The following FNTB variants were observed in gnomAD, a reference collection of about 807,000 sequenced individuals.
FNTB encodes farnesyltransferase, CAAX box, subunit beta.
Under a neutral mutation model 59.4 loss-of-function variants are expected in FNTB, and 27 were observed. That is an observed-to-expected ratio of 0.45 (90% CI 0.34 to 0.63). The LOEUF (loss-of-function observed/expected upper bound fraction) is 0.63, where lower values mean the gene tolerates loss of function less well. Ranked by LOEUF, FNTB falls within the 20% of genes least tolerant of loss-of-function variation. The pLI is 0.02. For missense variants in FNTB, 449 were observed against 559.6 expected (o/e 0.80, Z 1.99); for synonymous variants, 230 against 220.7 (o/e 1.04, Z -0.37).
intron 9 of FNTB, among the ~76,000 whole-genome samples, chr14:65,050,651 T>C (rs1293899924): frequency 6.6e-6 from 1 of 152,246 alleles, no homozygotes; most frequent in Non-Finnish European, 1.5e-5. Flanking sequence ...TAAATTTTGC[T>C]GGTAGCTATA....
intron 11 of FNTB, among the ~76,000 whole-genome samples, chr14:65,055,708 G>C (rs915341081): frequency 6.6e-6 from 1 of 151,968 alleles, no homozygotes; most frequent in East Asian, 1.9e-4. Context: ...GTAGAGACAG[G>C]GTTTCCCCAT....
Position 65,012,470 on chromosome 14 carries a change from G to T in FNTB, c.282+81G>T. On this transcript the variant is annotated intron_variant, in intron 3 of 11. Coordinates refer to ENST00000246166, the MANE Select transcript of FNTB (RefSeq NM_002028.4). This position sits in a 1 kb window ranked among gnomAD's most constrained non-coding sequence, Gnocchi z 5.0. ...TTTTTCTATTTAAACGTAAAAGACT[G>T]TTGGGGCTGACCTGTTGCAGAGTCA... 1 of 1,567,482 alleles carries T rather than the reference G, an allele frequency of 6.4e-7. No homozygotes were observed. Among genetic ancestry groups the T allele is most frequent in the East Asian group, 2.3e-5 (1 of 43,484 alleles).
chr14:65,040,768 G>T (rs767024921), intron 7 of FNTB, 22 bp from the exon 8 acceptor site: 16 of 1,608,752 alleles, frequency 9.9e-6, no homozygotes, highest in African/African-American at 2.7e-5. Context: ...CACTCATTCT[G>T]CTTTTCTCAA....
rs535339245 is a variant in FNTB at position 64,993,138 on chromosome 14, T to C, written c.144+6041T>C. ...CCCAGCTAAAATGATCTTTAAAACGTTGGTCTACTGGCCAGGCATGGTGAC... is the reference window on the plus strand; with the variant it reads ...CCCAGCTAAAATGATCTTTAAAACGCTGGTCTACTGGCCAGGCATGGTGAC... On this transcript the variant is annotated intron_variant, in intron 1 of 11. Coordinates refer to ENST00000246166, the MANE Select transcript of FNTB (RefSeq NM_002028.4). Among the ~76,000 whole-genome samples the C allele has an allele frequency of 1.4e-4, 21 of 152,274 alleles. 1 individual carries two copies. The South Asian group carries it at 4.1e-3, about 30-fold the overall frequency.
At chr14:65,037,429 T>C (rs1231090706) in intron 7 of FNTB, among the ~76,000 whole-genome samples, 15 of 118,124 alleles carry the variant, frequency 1.3e-4, no homozygotes, top group Non-Finnish European at 1.7e-4. Flanking sequence ...TTTTTTTTTT[T>C]TTTTTTTTTT....
chr14:65,016,917 G>A (rs917796414), intron 4 of FNTB, among the ~76,000 whole-genome samples: 51 of 130,190 alleles, frequency 3.9e-4, no homozygotes, highest in Non-Finnish European at 7.2e-4. Context: ...AAAGGCCCAC[G>A]TGGTTTTTTT....
At chr14:64,992,427 A>T (rs1441722799) in intron 1 of FNTB, among the ~76,000 whole-genome samples, 1 of 152,198 alleles carries the variant, frequency 6.6e-6, no homozygotes, top group East Asian at 1.9e-4. Flanking sequence ...CTTATTTATA[A>T]AATGTTTCTT....
Position 65,014,021 on chromosome 14 carries a change from C to T in FNTB, c.283-1604C>T, listed in dbSNP as rs570418581. 1.3e-5 allele frequency among the ~76,000 whole-genome samples: 2 copies of T among 152,294 alleles called. No homozygotes were observed. Among genetic ancestry groups the T allele is most frequent in the South Asian group, 4.1e-4 (2 of 4,820 alleles). The stretch of plus-strand genomic sequence containing the variant: ...ATCCCTGGCAGTGTCTTCAGTAGCT[C>T]ACCAGCCTACCTTCCAGGTGGTGGG... On this transcript the variant is annotated intron_variant, in intron 3 of 11. Coordinates refer to ENST00000246166, the MANE Select transcript of FNTB (RefSeq NM_002028.4). The surrounding 1 kb of genome is among the most constrained non-coding windows in gnomAD (Gnocchi z 5.1).
In FNTB at chr14:65,040,932, T is replaced by G; in HGVS notation, c.822+13T>G. 6.2e-7 allele frequency: 1 copy of G among 1,612,830 alleles called. No homozygotes were observed. The highest frequency in any genetic ancestry group is 1.1e-5 in the South Asian group (1 of 91,008). On this transcript the variant is annotated intron_variant, in intron 8 of 11. Coordinates refer to ENST00000246166, the MANE Select transcript of FNTB (RefSeq NM_002028.4). ...GAAGAGCTTATTAGTAAGTATCTTT[T>G]GAGCCATCCCCCTCTCAGGCCCCAG...
chr14:64,987,114 G>T lies in FNTB; in HGVS notation c.144+17G>T. 3.1e-6 allele frequency: 5 copies of T among 1,613,888 alleles called. No individual in the cohort carries two copies. The East Asian group carries it at 1.1e-4, about 36-fold the overall frequency. On this transcript the variant is annotated intron_variant, in intron 1 of 11. Transcript: ENST00000246166. ...ATAGAACAGGTGAGGTGGCAGGACT[G>T]GGCGAGGCGCCCGCGCGATGTGTTC...
At chr14:65,000,838 A>AAAAAAAAAAAAAAGAAAG (rs778200008) in intron 1 of FNTB, among the ~76,000 whole-genome samples, 1 of 116,022 alleles carries the variant, frequency 8.6e-6, no homozygotes, top group African/African-American at 2.8e-5. Flanking sequence ...AAAAAAAAAA[A>AAAAAAAAAAAAAAGAAAG]AAAGAATAGT....
At position 65,044,270 on chromosome 14, in the gene FNTB, C is replaced by G; in HGVS notation, c.823-41C>G. ...GATTCTGTCGGGCTGGATTTTGTCTCTTTTAGCCTACAACTGCCTTTCCCA... is the reference window on the plus strand; with the variant it reads ...GATTCTGTCGGGCTGGATTTTGTCTGTTTTAGCCTACAACTGCCTTTCCCA... On this transcript the variant is annotated intron_variant, in intron 8 of 11. Coordinates refer to ENST00000246166, the MANE Select transcript of FNTB (RefSeq NM_002028.4). This position sits in a 1 kb window ranked among gnomAD's most constrained non-coding sequence, Gnocchi z 5.5. 1 of 1,609,750 alleles carries G rather than the reference C, an allele frequency of 6.2e-7. No individual in the cohort carries two copies. The highest frequency in any genetic ancestry group is 2.2e-5 in the East Asian group (1 of 44,462).
intron 8 of FNTB, 101 bp downstream of exon 8, chr14:65,041,020 C>A: frequency 6.5e-7 from 1 of 1,528,926 alleles, no homozygotes; most frequent in Non-Finnish European, 8.9e-7. Flanking sequence ...ATGGGAAGGG[C>A]TAAGAGAGTT....
At chr14:65,017,119 C>T (rs1160800486) in intron 4 of FNTB, among the ~76,000 whole-genome samples, 4 of 152,056 alleles carry the variant, frequency 2.6e-5, no homozygotes. Flanking sequence ...GGTAGGCTTT[C>T]ACCATATTGA....
intron 9 of FNTB, among the ~76,000 whole-genome samples, chr14:65,052,032 T>TCGA (rs1235411162): frequency 6.6e-6 from 1 of 152,118 alleles, no homozygotes; most frequent in Non-Finnish European, 1.5e-5. Context: ...CCTGACCTCG[T>TCGA]GATCAACCCC....
intron 9 of FNTB, among the ~76,000 whole-genome samples, chr14:65,048,336 A>C (rs1370035503): frequency 6.6e-6 from 1 of 152,010 alleles, no homozygotes; most frequent in African/African-American, 2.4e-5. Flanking sequence ...AAAAAAAAAA[A>C]AACCATGTGC....
chr14:65,053,399 AG>A, intron 10 of FNTB, 50 bp downstream of exon 10: 3 of 1,340,198 alleles, frequency 2.2e-6, no homozygotes, highest in Non-Finnish European at 2.9e-6. Context: ...GAGAGAGCAG[AG>A]GGGCGTGCAC....
intron 11 of FNTB, among the ~76,000 whole-genome samples, chr14:65,060,198 T>C (rs985846712): frequency 3.5e-4 from 54 of 152,160 alleles, no homozygotes; most frequent in African/African-American, 1.3e-3. Flanking sequence ...ACATAAAATA[T>C]AAAAAAGAAA....
In FNTB at chr14:65,014,388, G is replaced by A. The variant is rs759647987; in HGVS notation, c.283-1237G>A. Among the ~76,000 whole-genome samples, 9 of 152,026 alleles carry A rather than the reference G, an allele frequency of 5.9e-5. No individual in the cohort carries two copies. Among genetic ancestry groups the A allele is most frequent in the Non-Finnish European group, 8.8e-5 (6 of 68,012 alleles). ...CGTGCTCCCTCAAAACTCTGTTTTCGTCCATTACAGCATTTCTCCAGGTAT... is the reference window on the plus strand; with the variant it reads ...CGTGCTCCCTCAAAACTCTGTTTTCATCCATTACAGCATTTCTCCAGGTAT... On this transcript the variant is annotated intron_variant, in intron 3 of 11. Coordinates refer to ENST00000246166, the MANE Select transcript of FNTB (RefSeq NM_002028.4). The surrounding 1 kb of genome is among the most constrained non-coding windows in gnomAD (Gnocchi z 5.1).
Sources: allele counts gnomAD v4.1 joint callset (sites outside exome capture counted in the v4.1 genomes callset), GRCh38; gene constraint gnomAD v4.1.1; non-coding constraint Gnocchi (gnomAD v3.1); transcripts MANE v1.5; gene names NCBI Gene and HGNC (gene_info 2026-07-23, HGNC 2026-07-21).